TTLL8: variants seen among roughly 807,000 people sequenced by gnomAD.
TTLL8 encodes protein monoglycylase TTLL8.
A neutral mutation model predicts 77.8 loss-of-function variants in TTLL8; 65 were observed. The ratio of observed to expected loss-of-function variants is 0.84; its 90% CI spans 0.68 to 1.03. TTLL8 has a LOEUF of 1.03. TTLL8 is among the 50% of genes least tolerant of loss of function. TTLL8 has a pLI of 0.00. For missense variants in TTLL8, 910 were observed against 1,004.5 expected (o/e 0.91, Z 1.27); for synonymous variants, 402 against 422.8 (o/e 0.95, Z 0.60).
exon 3 of TTLL8, chr22:50,049,317 T>A: frequency 1.5e-6 from 2 of 1,367,586 alleles, no homozygotes; most frequent in Non-Finnish European, 2.0e-6. Context: ...TTGGCACATG[T>A]ATCATCTGCC....
At chr22:50,053,466 C>T (rs557597646) in intron 1 of TTLL8, among the ~76,000 whole-genome samples, 6 of 152,254 alleles carry the variant, frequency 3.9e-5, no homozygotes, top group African/African-American at 1.2e-4. Context: ...CATAGACAAA[C>T]GTACTCCAAA....
intron 4 of TTLL8, 84 bp downstream of exon 6, chr22:50,047,084 G>A (rs1023458593): frequency 2.3e-6 from 3 of 1,306,368 alleles, no homozygotes; most frequent in East Asian, 5.0e-5. Flanking sequence ...CCACTGACCA[G>A]CCACCGAGGG....
Position 50,031,487 on chromosome 22 carries a change from C to A in TTLL8, c.1707+199G>T, listed in dbSNP as rs541967978. On this transcript the variant is annotated intron_variant, in intron 11 of 13. Transcript: ENST00000266182. Reference sequence around the variant, plus strand: ...GGAGTAGCCCCTTCCTCGGTGCCGACGAGGCACTGAGCCCCATGGGAGAGC... The same window carrying A: ...GGAGTAGCCCCTTCCTCGGTGCCGAAGAGGCACTGAGCCCCATGGGAGAGC... 12 of 942,732 alleles carry A rather than the reference C, an allele frequency of 1.3e-5. No individual in the cohort carries two copies. In the South Asian group the frequency reaches 4.4e-4, roughly 35 times the overall value. The allele number at this position is 942,732 out of a possible 1,614,324, so 58.4% of individuals were successfully genotyped here.
intron 1 of TTLL8, 70 bp from the exon 4 acceptor site, chr22:50,050,317 G>C: frequency 8.6e-7 from 1 of 1,164,014 alleles, no homozygotes; most frequent in Non-Finnish European, 1.1e-6. Flanking sequence ...TTGGTTGCAT[G>C]GATAAGCTTG....
intron 12 of TTLL8, among the ~76,000 whole-genome samples, chr22:50,029,785 C>T (rs1601911695): frequency 6.6e-6 from 1 of 152,162 alleles, no homozygotes; most frequent in South Asian, 2.1e-4. Flanking sequence ...ACCCCCACCA[C>T]GCCCTCGCGA....
At chr22:50,047,273 C>T (rs2061418679) in exon 4 of TTLL8, 1 of 1,367,586 alleles carries the variant, frequency 7.3e-7, no homozygotes, top group Non-Finnish European at 9.8e-7. Flanking sequence ...GGAGGTACGG[C>T]ATCTCATTTT....
upstream of TTLL8, among the ~76,000 whole-genome samples, chr22:50,057,425 G>T (rs2061481674): frequency 3.3e-5 from 3 of 90,180 alleles, no homozygotes; most frequent in East Asian, 3.4e-4. Flanking sequence ...GGTCTGGGTT[G>T]GGGGTCAGGT....
intron 1 of TTLL8, among the ~76,000 whole-genome samples, chr22:50,050,554 GC>G (rs2061438766): frequency 6.6e-6 from 1 of 151,968 alleles, no homozygotes; most frequent in Non-Finnish European, 1.5e-5. Context: ...TACTCCTGCT[GC>G]CCTCCTCCCC....
At chr22:50,045,084 G>A (rs2061400135) in intron 6 of TTLL8, 171 bp downstream of exon 8, 1 of 586,106 alleles carries the variant, frequency 1.7e-6, no homozygotes, top group Non-Finnish European at 2.2e-6. Context: ...TAGCCCCACG[G>A]TTAGAACAGA....
At chr22:50,033,106 G>T in intron 10 of TTLL8, 96 bp downstream of exon 11, 1 of 1,236,078 alleles carries the variant, frequency 8.1e-7, no homozygotes, top group South Asian at 1.4e-5. Flanking sequence ...CAGTGAGGGG[G>T]CCCTGCCCGT....
At chr22:50,025,925 G>A (rs2061227476) in intron 12 of TTLL8, among the ~76,000 whole-genome samples, 1 of 152,158 alleles carries the variant, frequency 6.6e-6, no homozygotes, top group African/African-American at 2.4e-5. Flanking sequence ...ACTCTCACGT[G>A]GCAGGTGGGA....
At chr22:50,031,068 C>T (rs766791380) in intron 11 of TTLL8, 143 bp from the exon 13 acceptor site, 23 of 725,810 alleles carry the variant, frequency 3.2e-5, no homozygotes, top group Non-Finnish European at 4.1e-5. Context: ...TGGGGTCCCA[C>T]GCAGACCCCC....
Position 50,041,767 on chromosome 22 carries a change from C to G in TTLL8, c.684G>C (p.Gly228=), listed in dbSNP as rs745446299. Residue 228 remains glycine (G), a synonymous_variant, in exon 7 of 14, where the codon GGG becomes GGC. Coordinates refer to ENST00000266182, the Ensembl canonical transcript of TTLL8. The surrounding 1 kb of genome is among the most constrained non-coding windows in gnomAD (Gnocchi z 4.3). ...CCTTGCACGCGATGTCCACAAGCTGCCCCGGGAGGCCCCTGAGCTTTGCCT... is the reference window on the plus strand; with the variant it reads ...CCTTGCACGCGATGTCCACAAGCTGGCCCGGGAGGCCCCTGAGCTTTGCCT... The G allele has an allele frequency of 5.1e-6, 7 of 1,363,866 alleles. No homozygotes were observed. In the East Asian group the frequency reaches 3.2e-4, roughly 62 times the overall value. The allele number at this position is 1,363,866 out of a possible 1,614,324, so 84.5% of individuals were successfully genotyped here.
At chr22:50,028,779 CAT>C in intron 12 of TTLL8, among the ~76,000 whole-genome samples, 2 of 36,506 alleles carry the variant, frequency 5.5e-5, no homozygotes, top group Non-Finnish European at 1.2e-4. Flanking sequence ...GTAAAGACCC[CAT>C]CACACCGTCC....
At position 50,047,558 on chromosome 22, in the gene TTLL8, G is replaced by A. The variant is rs187383278; in HGVS notation, c.265-262C>T. 1.9e-3 allele frequency among the ~76,000 whole-genome samples: 295 copies of A among 152,260 alleles called. 1 individual carries two copies. The highest frequency in any genetic ancestry group is 6.8e-3 in the African/African-American group (284 of 41,540). On this transcript the variant is annotated intron_variant, in intron 3 of 13. Coordinates refer to ENST00000266182, the Ensembl canonical transcript of TTLL8. ...TGGGGCTGCAGGTGGGGTCTGAGCC[G>A]TCCGCATGGGGTCTACGTGGGTGTG... is the stretch of plus-strand genomic sequence containing the variant.
In TTLL8 at chr22:50,033,761, A is replaced by G. The variant is rs1006568573; in HGVS notation, c.1040-316T>C. On this transcript the variant is annotated intron_variant, in intron 9 of 13. Coordinates refer to ENST00000266182, the Ensembl canonical transcript of TTLL8. ...TTAAAAGGGAGCCAGGAGGATGGGC[A>G]TGGTGGCTTATGCCTGTAATCCCAG... 8.5e-5 allele frequency among the ~76,000 whole-genome samples: 13 copies of G among 152,326 alleles called. No homozygotes were observed. In the East Asian group the frequency reaches 1.2e-3, roughly 14 times the overall value.
At chr22:50,055,349 A>G, upstream of TTLL8, 1 of 1,289,124 alleles carries the variant, frequency 7.8e-7, no homozygotes. Flanking sequence ...GGAGGACATC[A>G]AGTCAAAGGA....
chr22:50,048,833 C>A lies in TTLL8; in HGVS notation c.264+416G>T, dbSNP rs145747152. On this transcript the variant is annotated intron_variant, in intron 3 of 13. Coordinates refer to ENST00000266182, the Ensembl canonical transcript of TTLL8. Reference sequence around the variant, plus strand: ...TGGAGTGTTGGGAGCCCCGGAGGGACTAGGCTGGGCTGGGGAGGTGGGGAG... The same window carrying A: ...TGGAGTGTTGGGAGCCCCGGAGGGAATAGGCTGGGCTGGGGAGGTGGGGAG... 1.8e-3 allele frequency among the ~76,000 whole-genome samples: 274 copies of A among 152,348 alleles called. 1 individual carries two copies. The highest frequency in any genetic ancestry group is 6.5e-3 in the African/African-American group (269 of 41,564).
At chr22:50,045,814 T>G in intron 5 of TTLL8, 42 bp downstream of exon 7, 1 of 1,300,350 alleles carries the variant, frequency 7.7e-7, no homozygotes, top group Non-Finnish European at 1.0e-6. Flanking sequence ...TAGAAGCCTC[T>G]CTGCTGACAG....
Sources: allele counts gnomAD v4.1 joint callset (sites outside exome capture counted in the v4.1 genomes callset), GRCh38; gene constraint gnomAD v4.1.1; non-coding constraint Gnocchi (gnomAD v3.1); transcripts MANE v1.5; gene names NCBI Gene and HGNC (gene_info 2026-07-23, HGNC 2026-07-21).